The following CAPN1 variants were observed in gnomAD, a reference collection of about 807,000 sequenced individuals.
CAPN1 encodes calpain 1, also known as calpain-1 catalytic subunit.
CAPN1 carries 77 observed loss-of-function variants against 105.2 expected under a neutral mutation model. The ratio of observed to expected loss-of-function variants is 0.73; its 90% confidence interval spans 0.61 to 0.88. CAPN1 has a LOEUF of 0.88. Among genes scored for constraint, CAPN1 ranks in the 40% least tolerant of loss-of-function variants. CAPN1 has a pLI of 0.00. For missense variants in CAPN1, 833 were observed against 976.6 expected (o/e 0.85, Z 1.96); for synonymous variants, 355 against 388.8 (o/e 0.91, Z 1.02).
In CAPN1 at chr11:65,209,907, G is replaced by A. The variant is rs772985471; in HGVS notation, c.1853G>A (p.Arg618Gln). The change falls in exon 18 of 22, where the codon CGG becomes CAG. Residue 618 changes from arginine (R) to glutamine (Q), a missense_variant. Coordinates refer to ENST00000279247, the MANE Select transcript of CAPN1 (RefSeq NM_005186.4). This position sits in a 1 kb window ranked among gnomAD's most constrained non-coding sequence, Gnocchi z 4.1. ...VEFNILWNRI[R>Q]NYLSIFRKFD... ...TTCAACATCCTGTGGAACCGCATCCGGAATTACCTGGTAGGTTGTCCCCAC... is the reference window on the plus strand; with the variant it reads ...TTCAACATCCTGTGGAACCGCATCCAGAATTACCTGGTAGGTTGTCCCCAC... The A allele has an allele frequency of 2.7e-5, 43 of 1,613,682 alleles. No individual in the cohort carries two copies. The highest frequency in any genetic ancestry group is 3.3e-5 in the South Asian group (3 of 91,072).
chr11:65,188,742 C>G lies in CAPN1; in HGVS notation c.1161C>G (p.Tyr387Ter), dbSNP rs1948678673. The change falls in exon 10 of 22, where the codon TAC becomes TAG. Residue 387 changes from tyrosine to a stop codon, truncating the protein, a stop_gained. Transcript: ENST00000279247. LOFTEE classifies it high-confidence loss of function. The surrounding 1 kb of genome is among the most constrained non-coding windows in gnomAD (Gnocchi z 5.5). ...GCACCGCGGGGGGCTGCCGAAACTACCCAGGTGCACAGGGGCGGGCTCTGG... is the reference window on the plus strand; with the variant it reads ...GCACCGCGGGGGGCTGCCGAAACTAGCCAGGTGCACAGGGGCGGGCTCTGG... ...RGSTAGGCRN[Y>*]PATFWVNPQF... 1 of 1,563,110 alleles carries G rather than the reference C, an allele frequency of 6.4e-7. No individual in the cohort carries two copies. Among genetic ancestry groups the G allele is most frequent in the Non-Finnish European group, 8.7e-7 (1 of 1,153,942 alleles).
rs775574707 is a variant in CAPN1 at position 65,182,968 on chromosome 11, G to T, written c.267G>T (p.Thr89=). The change falls in exon 2 of 22, where the codon ACG becomes ACT. Residue 89 remains threonine, a splice_region_variant and synonymous_variant. Transcript: ENST00000279247. ...KTYGIKWKRP[T]ELLSNPQFIV... is the part of the protein sequence containing the mutation. ...ATGGCATCAAGTGGAAGCGTCCCAC[G>T]GTGAGAGGGGCCATCCTGGGTGGGA... 1.2e-6 allele frequency: 2 copies of T among 1,613,224 alleles called. No homozygotes were observed. Among genetic ancestry groups the T allele is most frequent in the Non-Finnish European group, 8.5e-7 (1 of 1,179,692 alleles).
intron 4 of CAPN1, among the ~76,000 whole-genome samples, chr11:65,185,413 T>G (rs918844379): frequency 7.9e-5 from 12 of 152,080 alleles, no homozygotes; most frequent in African/African-American, 2.9e-4. Flanking sequence ...GGTAATTGTT[T>G]CGTTCAGACC....
At chr11:65,182,594 G>A in intron 1 of CAPN1, 107 bp from the exon 2 acceptor site, 3 of 1,268,126 alleles carry the variant, frequency 2.4e-6, no homozygotes, top group Middle Eastern at 5.7e-4. Flanking sequence ...GGAAACCCTA[G>A]GTTTGGGGAT....
intron 10 of CAPN1, among the ~76,000 whole-genome samples, chr11:65,189,745 A>G (rs1948692967): frequency 6.6e-6 from 1 of 152,236 alleles, no homozygotes; most frequent in Non-Finnish European, 1.5e-5. Flanking sequence ...CAGGAGAGAA[A>G]TCACATAACC....
chr11:65,200,350 T>C (rs1441290204), intron 10 of CAPN1, among the ~76,000 whole-genome samples: 1 of 152,038 alleles, frequency 6.6e-6, no homozygotes, highest in East Asian at 1.9e-4. Flanking sequence ...CCCAGCTTTG[T>C]TCTTTTTTTT....
At chr11:65,182,226 C>CTTG (rs1565384521) in intron 1 of CAPN1, 5 of 161,424 alleles carry the variant, frequency 3.1e-5, no homozygotes, top group South Asian at 1.7e-4. Context: ...TGATATCGAG[C>CTTG]CTGCTGCGGG....
chr11:65,181,669 GC>G (rs1948532651), upstream of CAPN1: 12 of 321,118 alleles, frequency 3.7e-5, no homozygotes, highest in Middle Eastern at 1.0e-3. This position sits in a 1 kb window ranked among gnomAD's most constrained non-coding sequence, Gnocchi z 4.6. Flanking sequence ...CCGCGCCCCA[GC>G]CCCCCCATCC....
chr11:65,200,163 C>T (rs1238046171), intron 10 of CAPN1, among the ~76,000 whole-genome samples: 1 of 152,116 alleles, frequency 6.6e-6, no homozygotes, highest in Non-Finnish European at 1.5e-5. Flanking sequence ...AATCCTTCCA[C>T]CTCAGCCTTC....
At chr11:65,205,912 T>G in intron 12 of CAPN1, 191 bp downstream of exon 12, 1 of 606,010 alleles carries the variant, frequency 1.7e-6, no homozygotes, top group Admixed American at 2.8e-5. Flanking sequence ...GCACAGGTAG[T>G]CAGTGAGGGA....
At chr11:65,182,473 A>C in intron 1 of CAPN1, 4 of 519,740 alleles carry the variant, frequency 7.7e-6, no homozygotes, top group East Asian at 6.3e-5. Context: ...GGATCCGGGA[A>C]AGGAGAGGTG....
At chr11:65,202,864 A>T (rs184518410) in intron 10 of CAPN1, among the ~76,000 whole-genome samples, 2 of 152,258 alleles carry the variant, frequency 1.3e-5, no homozygotes, top group East Asian at 3.9e-4. Flanking sequence ...CCCAAAAACA[A>T]ATGAGGTACT....
Position 65,208,567 on chromosome 11 carries a change from C to G in CAPN1, c.1729+305C>G. Reference sequence around the variant, plus strand: ...GGCCGAGGCAGGAGTCGCTTCAGCCCAGGAGTTCAACACCAGCCTGGACAA... The same window carrying G: ...GGCCGAGGCAGGAGTCGCTTCAGCCGAGGAGTTCAACACCAGCCTGGACAA... On this transcript the variant is annotated intron_variant, in intron 16 of 21. Coordinates refer to ENST00000279247, the MANE Select transcript of CAPN1 (RefSeq NM_005186.4). The surrounding 1 kb of genome is among the most constrained non-coding windows in gnomAD (Gnocchi z 4.1). 2.1e-6 allele frequency: 1 copy of G among 478,112 alleles called. No homozygotes were observed. Among genetic ancestry groups the G allele is most frequent in the Non-Finnish European group, 3.9e-6 (1 of 259,142 alleles). 29.6% of individuals were successfully genotyped at this position (478,112 alleles called of 1,614,324 possible).
chr11:65,187,109 C>G, intron 6 of CAPN1, 106 bp from the exon 7 acceptor site: 2 of 761,422 alleles, frequency 2.6e-6, no homozygotes, highest in Non-Finnish European at 4.5e-6. Flanking sequence ...CTCCTAGCAA[C>G]TGTTGTATGT....
Position 65,188,091 on chromosome 11 carries a change from C to T in CAPN1, c.929+51C>T, listed in dbSNP as rs1367823914. 3 of 1,287,496 alleles carry T rather than the reference C, an allele frequency of 2.3e-6. No homozygotes were observed. Among genetic ancestry groups the T allele is most frequent in the African/African-American group, 3.0e-5 (2 of 66,608 alleles). 79.8% of individuals were successfully genotyped at this position (1,287,496 alleles called of 1,614,324 possible). ...AGTGCCTTGGGGAAACTGTTAGGTG[C>T]CCCGACATTTCTGCTCGGGACTCTA... On this transcript the variant is annotated intron_variant, in intron 8 of 21. Coordinates refer to ENST00000279247, the MANE Select transcript of CAPN1 (RefSeq NM_005186.4). This position sits in a 1 kb window ranked among gnomAD's most constrained non-coding sequence, Gnocchi z 5.5.
intron 5 of CAPN1, 55 bp from the exon 6 acceptor site, chr11:65,186,115 G>C (rs1056818703): frequency 1.2e-6 from 2 of 1,606,954 alleles, no homozygotes; most frequent in Non-Finnish European, 1.7e-6. Context: ...GCTCATGACT[G>C]TCTTCTCAGA....
At chr11:65,204,632 T>C (rs1948922459) in intron 10 of CAPN1, 51 bp from the exon 11 acceptor site, 2 of 1,557,608 alleles carry the variant, frequency 1.3e-6, no homozygotes, top group Non-Finnish European at 1.8e-6. Flanking sequence ...TGGGGGCCAA[T>C]TGGCTCTGCC....
Position 65,187,791 on chromosome 11 carries a change from G to A in CAPN1, c.844-164G>A, listed in dbSNP as rs146883630. ...AATTCCAGCTATTTGGGAGGCTGAG[G>A]CAAGAGAATTGAATTGCTTGAACCC... On this transcript the variant is annotated intron_variant, in intron 7 of 21. Coordinates refer to ENST00000279247, the MANE Select transcript of CAPN1 (RefSeq NM_005186.4). The A allele has an allele frequency of 7.0e-4, 394 of 559,966 alleles. 5 individuals are homozygous for A. In the East Asian group the frequency reaches 0.013, roughly 19 times the overall value. The allele number at this position is 559,966 out of a possible 1,614,324, so 34.7% of individuals were successfully genotyped here. A position where few individuals can be genotyped will look rare whatever the true frequency, so the allele number is the denominator to read the frequency against.
rs1161250925 is a variant in CAPN1, at chr11:65,210,383, T to C, written c.1990T>C (p.Ser664Pro). The C allele has an allele frequency of 6.2e-7, 1 of 1,613,484 alleles. No homozygotes were observed. Among genetic ancestry groups the C allele is most frequent in the East Asian group, 2.2e-5 (1 of 44,864 alleles). Reference sequence around the variant, plus strand: ...GTACGAGCTCATCATCACCCGCTACTCGGAGCCCGACCTGGCGGTCGACTT... The same window carrying C: ...GTACGAGCTCATCATCACCCGCTACCCGGAGCCCGACCTGGCGGTCGACTT... ...KLYELIITRYSEPDLAVDFDN... is the reference protein window; with the variant it reads ...KLYELIITRYPEPDLAVDFDN... Residue 664 changes from serine to proline, a missense_variant, in exon 20 of 22, where the codon TCG becomes CCG. Coordinates refer to ENST00000279247, the MANE Select transcript of CAPN1 (RefSeq NM_005186.4). The surrounding 1 kb of genome is among the most constrained non-coding windows in gnomAD (Gnocchi z 4.3).
Sources: allele counts gnomAD v4.1 joint callset (sites outside exome capture counted in the v4.1 genomes callset), GRCh38; gene constraint gnomAD v4.1.1; non-coding constraint Gnocchi (gnomAD v3.1); transcripts MANE v1.5; gene names NCBI Gene and HGNC (gene_info 2026-07-23, HGNC 2026-07-21).